The following HECW2 variants were observed in gnomAD, a reference collection of about 807,000 sequenced individuals.
HECW2 encodes the protein HECT, C2 and WW domain containing E3 ubiquitin protein ligase 2.
In HECW2, 61 loss-of-function variants were observed where a neutral mutation model predicts 175.2. That is an observed-to-expected ratio of 0.35 (90% CI 0.28 to 0.43). HECW2 has a LOEUF of 0.43. Ranked by LOEUF, HECW2 falls within the 20% of genes least tolerant of loss-of-function variation. HECW2 has a pLI of 1.00. For missense variants in HECW2, 1,524 were observed against 2,000.5 expected, an observed-to-expected ratio of 0.76 and a Z score of 4.54; for synonymous variants, 671 against 731.0, an observed-to-expected ratio of 0.92 and a Z score of 1.32.
chr2:196,243,643 T>C (rs1688545313), intron 19 of HECW2, among the ~76,000 whole-genome samples: 1 of 151,838 alleles, frequency 6.6e-6, no homozygotes, highest in South Asian at 2.1e-4. Flanking sequence ...TGCAATGGTG[T>C]GATCTCGGCT....
chr2:196,406,325 A>C (rs1410459592), intron 2 of HECW2, among the ~76,000 whole-genome samples: 1 of 152,186 alleles, frequency 6.6e-6, no homozygotes, highest in Non-Finnish European at 1.5e-5. Context: ...ACAATCAAGG[A>C]ACCACACCTG....
chr2:196,315,483 G>T (rs192568337), intron 10 of HECW2, among the ~76,000 whole-genome samples: 4 of 152,012 alleles, frequency 2.6e-5, no homozygotes, highest in Non-Finnish European at 4.4e-5. Context: ...TCTAAACATC[G>T]TGTAGTGGGA....
Position 196,242,200 on chromosome 2 carries a change from G to C in HECW2, c.3534C>G (p.Thr1178=). The change falls in exon 20 of 29, where the codon ACC becomes ACG. Residue 1178 remains threonine (T), a synonymous_variant. Coordinates refer to ENST00000644978, the MANE Select transcript of HECW2 (RefSeq NM_001348768.2). ...PVSSPQNSPG[T]QRANARAPAP... is the part of the protein sequence containing the mutation. ...CTGGAGCCCGGGCATTGGCACGCTG[G>C]GTACCTGCAGCAAACCACAAAGAGA... 1 of 1,614,098 alleles carries C rather than the reference G, an allele frequency of 6.2e-7. No homozygotes were observed. Among genetic ancestry groups the C allele is most frequent in the Non-Finnish European group, 8.5e-7 (1 of 1,180,012 alleles).
chr2:196,420,291 T>G (rs1695373919), intron 2 of HECW2, among the ~76,000 whole-genome samples: 1 of 152,218 alleles, frequency 6.6e-6, no homozygotes, highest in Admixed American at 6.5e-5. Context: ...GGCAAGTCTG[T>G]ATTTATTCAA....
chr2:196,233,683 C>A (rs757857326), intron 21 of HECW2, among the ~76,000 whole-genome samples: 35 of 152,154 alleles, frequency 2.3e-4, no homozygotes, highest in Non-Finnish European at 3.5e-4. Context: ...AAACCAAAGC[C>A]TAGATACAGA....
chr2:196,447,298 A>G (rs1015131715), intron 1 of HECW2, among the ~76,000 whole-genome samples: 3 of 152,192 alleles, frequency 2.0e-5, no homozygotes, highest in South Asian at 2.1e-4. Context: ...TGAAAGCAAA[A>G]AGTATCACAC....
chr2:196,317,589 G>A (rs1047071504), intron 9 of HECW2, among the ~76,000 whole-genome samples: 12 of 152,030 alleles, frequency 7.9e-5, no homozygotes, highest in African/African-American at 2.9e-4. Flanking sequence ...CCCCGCTCCT[G>A]CAGCTTCCCC....
chr2:196,292,804 C>T, intron 13 of HECW2, 54 bp from the exon 14 acceptor site: 1 of 1,374,622 alleles, frequency 7.3e-7, no homozygotes, highest in South Asian at 1.3e-5. Flanking sequence ...TGCAGAAGCA[C>T]CAGAAATACT....
chr2:196,307,219 C>T lies in HECW2; in HGVS notation c.2600G>A (p.Arg867His), dbSNP rs145526330. The change falls in exon 12 of 29, where the codon CGC becomes CAC. Residue 867 changes from arginine to histidine, a missense_variant. Physicochemically the swap from Arg to His is conservative, Grantham distance 29 (BLOSUM62 0). Coordinates refer to ENST00000644978, the MANE Select transcript of HECW2 (RefSeq NM_001348768.2). The stretch of plus-strand genomic sequence containing the variant: ...AGGCCTCTCATTGGTCATGGTTCTG[C>T]GGATACTCTGATATCTAAAATCATG... The part of the protein sequence containing the change: ...EQLNRRYQSI[R>H]RTMTNERPEE... 4.3e-6 allele frequency: 7 copies of T among 1,610,116 alleles called. No individual in the cohort carries two copies. In the African/African-American group the frequency reaches 5.3e-5, roughly 12 times the overall value.
At position 196,254,750 on chromosome 2, in the gene HECW2, T is replaced by A. The variant is rs528752819; in HGVS notation, c.3420-721A>T. 2.0e-5 allele frequency among the ~76,000 whole-genome samples: 3 copies of A among 152,094 alleles called. No homozygotes were observed. The South Asian group carries it at 6.2e-4, about 32-fold the overall frequency. ...CCACTAAGCCCAGACAATATGAGAG[T>A]TCTTATGTATCATTAGGTATTCAGA... is the stretch of plus-strand genomic sequence containing the variant. On this transcript the variant is annotated intron_variant, in intron 18 of 28. Transcript: ENST00000644978.
chr2:196,465,129 T>C (rs959904926), intron 1 of HECW2, among the ~76,000 whole-genome samples: 17 of 152,228 alleles, frequency 1.1e-4, no homozygotes, highest in African/African-American at 3.4e-4. Flanking sequence ...CAATGGAGAA[T>C]GAACAACTCA....
intron 17 of HECW2, 121 bp downstream of exon 17, chr2:196,271,072 C>G (rs1270735365): frequency 3.1e-6 from 2 of 642,562 alleles, no homozygotes; most frequent in Non-Finnish European, 5.6e-6. Flanking sequence ...TATTTGCATA[C>G]AAGATGTTTT....
At chr2:196,523,268 T>A (rs1688487349) in intron 1 of HECW2, among the ~76,000 whole-genome samples, 1 of 151,908 alleles carries the variant, frequency 6.6e-6, no homozygotes, top group Admixed American at 6.6e-5. Flanking sequence ...ATCATTTGGC[T>A]CTCTGTTTGT....
At chr2:196,376,216 C>A (rs770416266) in intron 2 of HECW2, among the ~76,000 whole-genome samples, 1 of 152,114 alleles carries the variant, frequency 6.6e-6, no homozygotes, top group Non-Finnish European at 1.5e-5. Context: ...TATTTAAGAG[C>A]AACTATTTAA....
rs61183032 is a variant in HECW2 at position 196,534,282 on chromosome 2, G to GA, written c.-36+59225dup. 9.6e-4 allele frequency among the ~76,000 whole-genome samples: 140 copies of GA among 145,710 alleles called. 1 individual carries two copies. Among genetic ancestry groups the GA allele is most frequent in the South Asian group, 6.4e-3 (29 of 4,538 alleles). ...TGTCAGGGCCTCCGTTTTTGTGCAGGAAAAAAAAAAAAATCTTTACTCTAC... is the reference window on the plus strand; with the variant it reads ...TGTCAGGGCCTCCGTTTTTGTGCAGGAAAAAAAAAAAAAATCTTTACTCTAC... On this transcript the variant is annotated intron_variant, in intron 1 of 28. Coordinates refer to ENST00000644978, the MANE Select transcript of HECW2 (RefSeq NM_001348768.2).
At chr2:196,354,905 G>A (rs1291272254) in intron 2 of HECW2, among the ~76,000 whole-genome samples, 2 of 152,184 alleles carry the variant, frequency 1.3e-5, no homozygotes, top group Non-Finnish European at 2.9e-5. Flanking sequence ...CCAGTTTCGA[G>A]TAAGGCCTTT....
chr2:196,368,351 TATA>T (rs1366146537), intron 2 of HECW2, among the ~76,000 whole-genome samples: 1 of 152,194 alleles, frequency 6.6e-6, no homozygotes, highest in African/African-American at 2.4e-5. Flanking sequence ...TGCTGCTAGA[TATA>T]TTGGAAGTCC....
At chr2:196,372,036 T>A (rs900257744) in intron 2 of HECW2, among the ~76,000 whole-genome samples, 12 of 152,222 alleles carry the variant, frequency 7.9e-5, no homozygotes, top group Non-Finnish European at 1.3e-4. Flanking sequence ...AGTCTTAACA[T>A]TTGAGGATTC....
chr2:196,332,315 T>C (rs1465849085), intron 4 of HECW2, among the ~76,000 whole-genome samples: 1 of 152,228 alleles, frequency 6.6e-6, no homozygotes, highest in Non-Finnish European at 1.5e-5. Flanking sequence ...TATACCTAGA[T>C]GACCATCATG....
Sources: gnomAD v4.1 joint callset for allele counts (sites outside exome capture counted in the v4.1 genomes callset) on GRCh38, gnomAD v4.1.1 for gene constraint, MANE v1.5 for transcripts, NCBI Gene and HGNC (gene_info 2026-07-23, HGNC 2026-07-21) for gene names.